ZSWIM8: variants seen among roughly 807,000 people sequenced by gnomAD.
ZSWIM8 encodes the protein zinc finger SWIM-type containing 8.
Under a neutral mutation model 173.7 loss-of-function variants are expected in ZSWIM8, and 27 were observed. The ratio of observed to expected loss-of-function variants is 0.16; its 90% CI spans 0.11 to 0.21. The LOEUF (loss-of-function observed/expected upper bound fraction) is 0.21, where lower values mean the gene tolerates loss of function less well. ZSWIM8 is among the 10% of genes least tolerant of loss of function. The pLI is 1.00. For missense variants in ZSWIM8, 1,627 were observed against 2,428.8 expected (o/e 0.67, Z 6.94); for synonymous variants, 958 against 962.0 (o/e 1.00, Z 0.08).
chr10:73,786,976 T>C (rs573212699), intron 1 of ZSWIM8, among the ~76,000 whole-genome samples: 19 of 149,880 alleles, frequency 1.3e-4, no homozygotes, highest in Admixed American at 1.3e-3. Context: ...GGAGTTTTGC[T>C]CTTGTTGCCC....
At position 73,794,575 on chromosome 10, in the gene ZSWIM8, C is replaced by T. The variant is rs1207925213; in HGVS notation, c.2844C>T (p.Arg948=). The change falls in exon 14 of 26, where the codon CGC becomes CGT. Residue 948 remains arginine, a synonymous_variant. Transcript: ENST00000604729. The stretch of plus-strand genomic sequence containing the variant: ...CCACAGGTTCCCGGCCCCCAAGTCG[C>T]AACTGGAACAGCGAGACACCTGGGG... The part of the protein sequence containing the change: ...VSPTGSRPPS[R]NWNSETPGDE... The T allele has an allele frequency of 2.6e-6, 4 of 1,560,590 alleles. No homozygotes were observed. The highest frequency in any genetic ancestry group is 3.5e-6 in the Non-Finnish European group (4 of 1,151,484).
Position 73,792,995 on chromosome 10 carries a change from G to A in ZSWIM8, c.2313+143G>A, listed in dbSNP as rs1362107866. ...CGCCGAACTGGTCTCCCTGCTTTCA[G>A]TCTACTCACTTTTCTGCTTCCACGA... On this transcript the variant is annotated intron_variant, in intron 10 of 25. Transcript: ENST00000604729. The surrounding 1 kb of genome is among the most constrained non-coding windows in gnomAD (Gnocchi z 4.3). 5 of 1,025,798 alleles carry A rather than the reference G, an allele frequency of 4.9e-6. No individual in the cohort carries two copies. Among genetic ancestry groups the A allele is most frequent in the Non-Finnish European group, 6.9e-6 (5 of 722,636 alleles). 63.5% of individuals were successfully genotyped at this position (1,025,798 alleles called of 1,614,324 possible).
intron 15 of ZSWIM8, chr10:73,796,359 AAG>A (rs1373409068): frequency 1.2e-5 from 5 of 423,448 alleles, no homozygotes; most frequent in South Asian, 3.4e-5. Flanking sequence ...TTAAAAAAAA[AAG>A]AAGAAGAAGA....
intron 1 of ZSWIM8, among the ~76,000 whole-genome samples, chr10:73,786,898 G>C (rs2083246615): frequency 1.3e-5 from 2 of 151,536 alleles, no homozygotes; most frequent in African/African-American, 4.8e-5. Context: ...GGCTTGTGGA[G>C]ATTTCTGGTG....
At chr10:73,798,141 G>T in intron 19 of ZSWIM8, 71 bp downstream of exon 19, 1 of 1,593,178 alleles carries the variant, frequency 6.3e-7, no homozygotes. Flanking sequence ...TATCTTTGTG[G>T]GGTTACTGAT....
chr10:73,800,884 C>A lies in ZSWIM8; in HGVS notation c.5122+125C>A. The A allele has an allele frequency of 1.7e-6, 2 of 1,188,812 alleles. No individual in the cohort carries two copies. Among genetic ancestry groups the A allele is most frequent in the Non-Finnish European group, 2.4e-6 (2 of 845,524 alleles). 73.6% of individuals were successfully genotyped at this position (1,188,812 alleles called of 1,614,324 possible). A position where few individuals can be genotyped will look rare whatever the true frequency, so the allele number is the denominator to read the frequency against. On this transcript the variant is annotated intron_variant, in intron 24 of 25. Coordinates refer to ENST00000604729, the MANE Select transcript of ZSWIM8 (RefSeq NM_001367799.1). This position sits in a 1 kb window ranked among gnomAD's most constrained non-coding sequence, Gnocchi z 4.1. ...CCTTGGTCGGGTATGTGTGCGTGCG[C>A]GGGGGGCGGAGGGTTACCTCAGCTC...
Position 73,797,637 on chromosome 10 carries a change from T to C in ZSWIM8, c.3662+32T>C. 16 of 1,609,728 alleles carry C rather than the reference T, an allele frequency of 9.9e-6. No individual in the cohort carries two copies. Among genetic ancestry groups the C allele is most frequent in the Non-Finnish European group, 1.4e-5 (16 of 1,177,270 alleles). ...GGGAAGAACTCCCCATCTTCCCTGA[T>C]CTGGCCCACCCTCAGAGCCACACCC... On this transcript the variant is annotated intron_variant, in intron 18 of 25. Transcript: ENST00000604729. The surrounding 1 kb of genome is among the most constrained non-coding windows in gnomAD (Gnocchi z 5.6).
intron 2 of ZSWIM8, 51 bp downstream of exon 2, chr10:73,788,874 G>C: frequency 3.7e-6 from 6 of 1,603,354 alleles, no homozygotes; most frequent in Middle Eastern, 2.1e-4. Flanking sequence ...ACTCCACACT[G>C]TCTGCTGGGT....
rs1426140422 is a variant in ZSWIM8 at position 73,794,204 on chromosome 10, G to A, written c.2683G>A (p.Gly895Ser). The change falls in exon 13 of 26, where the codon GGT becomes AGT. Residue 895 changes from glycine to serine, a missense_variant. Physicochemically the swap from Gly to Ser is moderately conservative, Grantham distance 56. Transcript: ENST00000604729. ...VAALLKKIPLGPSEMSTMRCR... is the reference protein window; with the variant it reads ...VAALLKKIPLSPSEMSTMRCR... ...TGCCCTGCTCAAGAAGATCCCTCTG[G>A]GTCCAAGTGAGATGAGTACCATGCG... is the stretch of plus-strand genomic sequence containing the variant. 5 of 1,614,002 alleles carry A rather than the reference G, an allele frequency of 3.1e-6. No individual in the cohort carries two copies. The highest frequency in any genetic ancestry group is 1.7e-5 in the Admixed American group (1 of 60,028).
Position 73,796,916 on chromosome 10 carries a change from A to C in ZSWIM8, c.3176A>C (p.Gln1059Pro). ...HGGPSAPGAL[Q>P]PLTSGSAGPA... ...GGCCCATCTGCCCCAGGGGCCCTGC[A>C]ACCACTGACCTCAGGCTCTGCAGGG... The change falls in exon 16 of 26, where the codon CAA (glutamine) becomes CCA (proline). Residue 1059 changes from glutamine (Q) to proline (P), a missense_variant. Physicochemically the swap from Gln to Pro is moderately conservative, Grantham distance 76. Around this residue, in one of 18 missense-constraint regions of ZSWIM8, gnomAD observed 163 missense variants for 193.2 expected, o/e 0.84. Coordinates refer to ENST00000604729, the MANE Select transcript of ZSWIM8 (RefSeq NM_001367799.1). 1 of 1,614,070 alleles carries C rather than the reference A, an allele frequency of 6.2e-7. No homozygotes were observed. Among genetic ancestry groups the C allele is most frequent in the Non-Finnish European group, 8.5e-7 (1 of 1,179,904 alleles).
In ZSWIM8 at chr10:73,789,720, T is replaced by G; in HGVS notation, c.634T>G (p.Ser212Ala). The change falls in exon 5 of 26, where the codon TCT (serine) becomes GCT (alanine). Residue 212 changes from serine to alanine, a missense_variant. By Grantham distance (99) the Ser-to-Ala change is moderately conservative (BLOSUM62 1). Transcript: ENST00000604729. The surrounding 1 kb of genome is among the most constrained non-coding windows in gnomAD (Gnocchi z 6.8). Reference sequence around the variant, plus strand: ...TTTTTCTCTGTGTCCCCTTCAGGCTTCTGCAGTCTGCCTGCGAGCCCCAGT... The same window carrying G: ...TTTTTCTCTGTGTCCCCTTCAGGCTGCTGCAGTCTGCCTGCGAGCCCCAGT... ...ALCLFRIHNA[S>A]AVCLRAPVSE... 1 of 1,600,236 alleles carries G rather than the reference T, an allele frequency of 6.2e-7. No homozygotes were observed.
intron 1 of ZSWIM8, among the ~76,000 whole-genome samples, chr10:73,787,287 T>G (rs957663900): frequency 6.6e-6 from 1 of 152,168 alleles, no homozygotes; most frequent in African/African-American, 2.4e-5. Flanking sequence ...GCATTCAGCT[T>G]CAGTTGGAGA....
rs745787424 is a variant in ZSWIM8 at position 73,788,650 on chromosome 10, C to T, written c.209-20C>T. ...CATTTCCTATTCTCTTTCCCCTGAT[C>T]CCAACCATTGTTTGCAAAGATGGAC... On this transcript the variant is annotated intron_variant, in intron 1 of 25. Transcript: ENST00000604729. 1.2e-6 allele frequency: 2 copies of T among 1,613,076 alleles called. No homozygotes were observed. The highest frequency in any genetic ancestry group is 1.7e-5 in the Admixed American group (1 of 59,996).
At chr10:73,786,345 T>TGC (rs1274488060) in intron 1 of ZSWIM8, 33 of 359,510 alleles carry the variant, frequency 9.2e-5, no homozygotes, top group Admixed American at 4.2e-4. Context: ...TGTGTGTGTG[T>TGC]GCGCGCGCGC....
At chr10:73,787,206 A>G (rs989357049) in intron 1 of ZSWIM8, among the ~76,000 whole-genome samples, 4 of 152,134 alleles carry the variant, frequency 2.6e-5, no homozygotes, top group African/African-American at 9.7e-5. Context: ...GGCCTCCCGA[A>G]GTGCTGGGAT....
intron 12 of ZSWIM8, 43 bp from the exon 13 acceptor site, chr10:73,794,104 C>T (rs1209862572): frequency 6.2e-7 from 1 of 1,612,320 alleles, no homozygotes; most frequent in Non-Finnish European, 8.5e-7. Context: ...ACCTTGATCT[C>T]TATTGACACA....
At chr10:73,790,572 G>C (rs1315826784) in intron 7 of ZSWIM8, among the ~76,000 whole-genome samples, 1 of 152,180 alleles carries the variant, frequency 6.6e-6, no homozygotes, top group Non-Finnish European at 1.5e-5. Context: ...TTTGTGGCTG[G>C]GGGCGGTGGC....
chr10:73,788,443 G>T lies in ZSWIM8; in HGVS notation c.209-227G>T, dbSNP rs75672918. Among the ~76,000 whole-genome samples, 29 of 152,288 alleles carry T rather than the reference G, an allele frequency of 1.9e-4. No homozygotes were observed. The East Asian group carries it at 2.9e-3, about 15-fold the overall frequency. ...CTGGTATCTTCTGTTCTAGACCTTAGGTGTAGCCGGCTGTGGGCTGGGGAT... is the reference window on the plus strand; with the variant it reads ...CTGGTATCTTCTGTTCTAGACCTTATGTGTAGCCGGCTGTGGGCTGGGGAT... On this transcript the variant is annotated intron_variant, in intron 1 of 25. Coordinates refer to ENST00000604729, the MANE Select transcript of ZSWIM8 (RefSeq NM_001367799.1).
At chr10:73,798,571 T>C (rs1193974446) in intron 20 of ZSWIM8, 118 bp downstream of exon 20, 1 of 942,484 alleles carries the variant, frequency 1.1e-6, no homozygotes, top group Non-Finnish European at 1.6e-6. Context: ...AGATGATTGT[T>C]GGTCCTCTCA....
Sources: gnomAD v4.1 joint callset for allele counts (sites outside exome capture counted in the v4.1 genomes callset) on GRCh38, gnomAD v4.1.1 for gene constraint, gnomAD v4.1.1 regional missense constraint, Gnocchi (gnomAD v3.1) non-coding constraint, MANE v1.5 for transcripts, NCBI Gene and HGNC (gene_info 2026-07-23, HGNC 2026-07-21) for gene names.